The following MRGPRX4 variants were observed in gnomAD, a reference collection of about 807,000 sequenced individuals.
MRGPRX4 encodes mas-related G protein-coupled receptor member X4.
MRGPRX4 carries 13 observed loss-of-function variants against 17.8 expected under a neutral mutation model. That is an observed-to-expected ratio of 0.73 (90% CI 0.48 to 1.16). The LOEUF is 1.16. MRGPRX4 is among the 50% of genes most tolerant of loss of function. The probability of loss-of-function intolerance (pLI) is 0.00; values close to 1 mark genes in which losing one functional copy is unlikely to be tolerated. For synonymous variants in MRGPRX4, 192 were observed against 175.3 expected, an observed-to-expected ratio of 1.10 and a Z score of -0.75; for missense variants, 399 against 405.0, an observed-to-expected ratio of 0.99 and a Z score of 0.13.
chr11:18,174,030 G>A lies in MRGPRX4; in HGVS notation c.774G>A (p.Met258Ile). Residue 258 changes from methionine to isoleucine, a missense_variant, in exon 1 of 1, where the codon ATG becomes ATA. Coordinates refer to ENST00000314254, the MANE Select transcript of MRGPRX4 (RefSeq NM_054032.3). ...VLYCHVYLVC[M>I]SLSSLNSSAN... Reference sequence around the variant, plus strand: ...ATTGTCATGTTTATCTGGTTTGCATGTCCCTGTCCTCTCTAAACAGTAGTG... The same window carrying A: ...ATTGTCATGTTTATCTGGTTTGCATATCCCTGTCCTCTCTAAACAGTAGTG... 3.1e-6 allele frequency: 5 copies of A among 1,614,208 alleles called. No homozygotes were observed. The highest frequency in any genetic ancestry group is 4.2e-6 in the Non-Finnish European group (5 of 1,180,034).
chr11:18,174,149 A>C lies in MRGPRX4; in HGVS notation c.893A>C (p.Lys298Thr), dbSNP rs181617540. 5.6e-5 allele frequency: 90 copies of C among 1,614,218 alleles called. No homozygotes were observed. Among genetic ancestry groups the C allele is most frequent in the Admixed American group, 5.2e-4 (31 of 60,028 alleles). Residue 298 changes from lysine to threonine, a missense_variant, in exon 1 of 1, where the codon AAG becomes ACG. Coordinates refer to ENST00000314254, the MANE Select transcript of MRGPRX4 (RefSeq NM_054032.3). ...GTTCTCCAGAGGGCTCTGCAGGACA[A>C]GCCTGAGGTGGATAAAGGTGAAGGG... ...KLVLQRALQD[K>T]PEVDKGEGQL...
Position 18,173,973 on chromosome 11 carries a change from T to A in MRGPRX4, c.717T>A (p.Ile239=). 1 of 1,614,194 alleles carries A rather than the reference T, an allele frequency of 6.2e-7. No homozygotes were observed. The highest frequency in any genetic ancestry group is 1.1e-5 in the South Asian group (1 of 91,076). The change falls in exon 1 of 1, where the codon ATT becomes ATA. Residue 239 remains isoleucine, a synonymous_variant. Coordinates refer to ENST00000314254, the MANE Select transcript of MRGPRX4 (RefSeq NM_054032.3). ...GLPFGILGAL[I]YRMHLNLEVL... is the part of the protein sequence containing the mutation. ...CCTTCGGCATTCTGGGGGCCCTAAT[T>A]TACAGGATGCACCTGAATTTGGAAG... is the stretch of plus-strand genomic sequence containing the variant.
rs781125972 is a variant in MRGPRX4 at position 18,173,699 on chromosome 11, G to A, written c.443G>A (p.Gly148Asp). ...GCGGTCGTGTGTGTCCTGCTCTGGG[G>A]CCTGTCCCTGCTGTTTAGTATGCTG... ...LSAVVCVLLW[G>D]LSLLFSMLEW... The change falls in exon 1 of 1, where the codon GGC becomes GAC. Residue 148 changes from glycine (G) to aspartate (D), a missense_variant. Gly to Asp is a moderately conservative substitution (Grantham distance 94). Transcript: ENST00000314254. The A allele has an allele frequency of 7.8e-5, 126 of 1,614,052 alleles. No homozygotes were observed. Among genetic ancestry groups the A allele is most frequent in the Non-Finnish European group, 9.1e-5 (107 of 1,180,040 alleles).
rs1849348485 is a variant in MRGPRX4 at position 18,173,981 on chromosome 11, T to G, written c.725T>G (p.Met242Arg). ...ATTCTGGGGGCCCTAATTTACAGGA[T>G]GCACCTGAATTTGGAAGTCTTATAT... ...FGILGALIYRMHLNLEVLYCH... is the reference protein window; with the variant it reads ...FGILGALIYRRHLNLEVLYCH... Residue 242 changes from methionine (M) to arginine (R), a missense_variant, in exon 1 of 1, where the codon ATG becomes AGG. By Grantham distance (91) the Met-to-Arg change is moderately conservative. Transcript: ENST00000314254. 1 of 1,614,120 alleles carries G rather than the reference T, an allele frequency of 6.2e-7. No individual in the cohort carries two copies. The highest frequency in any genetic ancestry group is 1.3e-5 in the African/African-American group (1 of 74,936).
rs777084382 is a variant in MRGPRX4 at position 18,173,349 on chromosome 11, G to A, written c.93G>A (p.Thr31=). The change falls in exon 1 of 1, where the codon ACG becomes ACA. Residue 31 remains threonine (T), a synonymous_variant. Coordinates refer to ENST00000314254, the MANE Select transcript of MRGPRX4 (RefSeq NM_054032.3). ...GCTACAATCAGACCCTGAGCTTCAC[G>A]GTGCTGACGTGCATCATTTCCCTTG... The part of the protein sequence containing the change: ...TPCYNQTLSF[T]VLTCIISLVG... 2.5e-6 allele frequency: 4 copies of A among 1,614,084 alleles called. No homozygotes were observed. Among genetic ancestry groups the A allele is most frequent in the Non-Finnish European group, 3.4e-6 (4 of 1,180,022 alleles).
rs1849335340 is a variant in MRGPRX4, at chr11:18,173,095, C to T, written c.-162C>T. ...TTCAAACTGGATTTGAGGACCCCCA[C>T]CTTTGGTAAGTGACTTATTATCTGC... On this transcript the variant is annotated 5_prime_UTR_variant, in exon 1 of 1. Coordinates refer to ENST00000314254, the MANE Select transcript of MRGPRX4 (RefSeq NM_054032.3). The T allele has an allele frequency of 3.1e-6, 3 of 978,194 alleles. No individual in the cohort carries two copies. Among genetic ancestry groups the T allele is most frequent in the Admixed American group, 5.0e-5 (2 of 40,298 alleles). The allele number at this position is 978,194 out of a possible 1,614,324, so 60.6% of individuals were successfully genotyped here. A position where few individuals can be genotyped will look rare whatever the true frequency, so the allele number is the denominator to read the frequency against.
chr11:18,173,113 T>C lies in MRGPRX4; in HGVS notation c.-144T>C. 8.7e-6 allele frequency: 10 copies of C among 1,147,604 alleles called. No individual in the cohort carries two copies. In the South Asian group the frequency reaches 1.5e-4, roughly 17 times the overall value. 71.1% of individuals were successfully genotyped at this position (1,147,604 alleles called of 1,614,324 possible). A position where few individuals can be genotyped will look rare whatever the true frequency, so the allele number is the denominator to read the frequency against. On this transcript the variant is annotated 5_prime_UTR_variant, in exon 1 of 1. Transcript: ENST00000314254. ...ACCCCCACCTTTGGTAAGTGACTTA[T>C]TATCTGCGAGCCTCTGTTTCTCTCT...
In MRGPRX4 at chr11:18,174,205, G is replaced by C; in HGVS notation, c.949G>C (p.Gly317Arg). ...QLPEESLELS[G>R]SRLGP ...TCCTGAGGAAAGCCTGGAGCTGTCG[G>C]GAAGCAGATTGGGGCCATGAGGGAG... is the stretch of plus-strand genomic sequence containing the variant. Residue 317 changes from glycine (G) to arginine (R), a missense_variant, in exon 1 of 1, where the codon GGA becomes CGA. Coordinates refer to ENST00000314254, the MANE Select transcript of MRGPRX4 (RefSeq NM_054032.3). 6.2e-7 allele frequency: 1 copy of C among 1,613,396 alleles called. No homozygotes were observed.
chr11:18,174,105 T>C lies in MRGPRX4; in HGVS notation c.849T>C (p.Asn283=), dbSNP rs769075206. 7 of 1,614,172 alleles carry C rather than the reference T, an allele frequency of 4.3e-6. No individual in the cohort carries two copies. The South Asian group carries it at 7.7e-5, about 18-fold the overall frequency. Residue 283 remains asparagine (N), a synonymous_variant, in exon 1 of 1, where the codon AAT becomes AAC. Coordinates refer to ENST00000314254, the MANE Select transcript of MRGPRX4 (RefSeq NM_054032.3). ...TGGGCTCCTTTAGGCAGCGTCAAAA[T>C]AGGCAGAACCTGAAGCTGGTTCTCC... is the stretch of plus-strand genomic sequence containing the variant. ...FFVGSFRQRQ[N]RQNLKLVLQR...
Position 18,173,294 on chromosome 11 carries a change from C to T in MRGPRX4, c.38C>T (p.Thr13Ile). ...PTVPVFGTKL[T>I]PINGREETPC... ...GTCCCAGTCTTCGGTACAAAACTGA[C>T]ACCAATCAACGGACGTGAGGAGACT... The change falls in exon 1 of 1, where the codon ACA (threonine) becomes ATA (isoleucine). Residue 13 changes from threonine to isoleucine, a missense_variant. Coordinates refer to ENST00000314254, the MANE Select transcript of MRGPRX4 (RefSeq NM_054032.3). The T allele has an allele frequency of 6.2e-7, 1 of 1,612,256 alleles. No individual in the cohort carries two copies. The highest frequency in any genetic ancestry group is 1.1e-5 in the South Asian group (1 of 90,716).
rs1203899858 is a variant in MRGPRX4, at chr11:18,174,051, T to C, written c.795T>C (p.Ser265=). Residue 265 remains serine, a synonymous_variant, in exon 1 of 1, where the codon AGT becomes AGC. Coordinates refer to ENST00000314254, the MANE Select transcript of MRGPRX4 (RefSeq NM_054032.3). ...GCATGTCCCTGTCCTCTCTAAACAG[T>C]AGTGCCAACCCCATCATTTACTTCT... is the stretch of plus-strand genomic sequence containing the variant. The part of the protein sequence containing the change: ...LVCMSLSSLN[S]SANPIIYFFV... 2 of 1,614,182 alleles carry C rather than the reference T, an allele frequency of 1.2e-6. No homozygotes were observed. Among genetic ancestry groups the C allele is most frequent in the Admixed American group, 1.7e-5 (1 of 60,028 alleles).
In MRGPRX4 at chr11:18,173,109, C is replaced by T. The variant is rs879889241; in HGVS notation, c.-148C>T. 2.7e-6 allele frequency: 3 copies of T among 1,118,288 alleles called. No homozygotes were observed. Among genetic ancestry groups the T allele is most frequent in the Non-Finnish European group, 2.6e-6 (2 of 780,446 alleles). The allele number at this position is 1,118,288 out of a possible 1,614,324, so 69.3% of individuals were successfully genotyped here. ...GAGGACCCCCACCTTTGGTAAGTGA[C>T]TTATTATCTGCGAGCCTCTGTTTCT... On this transcript the variant is annotated 5_prime_UTR_variant, in exon 1 of 1. Transcript: ENST00000314254.
Position 18,174,107 on chromosome 11 carries a change from GGCA to G in MRGPRX4, c.853_855del (p.Gln285del), listed in dbSNP as rs770961969. The G allele has an allele frequency of 4.2e-5, 67 of 1,614,008 alleles. No homozygotes were observed. The African/African-American group carries it at 8.4e-4, about 20-fold the overall frequency. ...GGCTCCTTTAGGCAGCGTCAAAATA[GGCA>G]GAACCTGAAGCTGGTTCTCCAGAGG... On this transcript the variant is annotated inframe_deletion, in exon 1 of 1. Coordinates refer to ENST00000314254, the MANE Select transcript of MRGPRX4 (RefSeq NM_054032.3).
chr11:18,173,190 G>A lies in MRGPRX4; in HGVS notation c.-67G>A, dbSNP rs1849336379. 6.6e-7 allele frequency: 1 copy of A among 1,522,458 alleles called. No homozygotes were observed. The highest frequency in any genetic ancestry group is 2.3e-5 in the East Asian group (1 of 44,100). 94.3% of individuals were successfully genotyped at this position (1,522,458 alleles called of 1,614,324 possible). ...TACGGCAGGGTGGTGGGGAGAATCA[G>A]AGATGATACAGCTGGTGATCACATC... is the stretch of plus-strand genomic sequence containing the variant. On this transcript the variant is annotated 5_prime_UTR_variant, in exon 1 of 1. Transcript: ENST00000314254.
chr11:18,174,263 A>G lies in MRGPRX4; in HGVS notation c.*38A>G. 1 of 1,579,194 alleles carries G rather than the reference A, an allele frequency of 6.3e-7. No individual in the cohort carries two copies. The highest frequency in any genetic ancestry group is 1.2e-5 in the South Asian group (1 of 85,546). On this transcript the variant is annotated 3_prime_UTR_variant, in exon 1 of 1. Transcript: ENST00000314254. ...GCCCTGTCAGTCAGACGGGACTTTG[A>G]GAGCAACACTGTCCTGCCACCCTTG... is the stretch of plus-strand genomic sequence containing the variant.
At position 18,173,873 on chromosome 11, in the gene MRGPRX4, C is replaced by A. The variant is rs753184956; in HGVS notation, c.617C>A (p.Ser206Tyr). 1.9e-6 allele frequency: 3 copies of A among 1,614,118 alleles called. No homozygotes were observed. The highest frequency in any genetic ancestry group is 2.5e-6 in the Non-Finnish European group (3 of 1,180,002). The change falls in exon 1 of 1, where the codon TCC (serine) becomes TAC (tyrosine). Residue 206 changes from serine to tyrosine, a missense_variant. Coordinates refer to ENST00000314254, the MANE Select transcript of MRGPRX4 (RefSeq NM_054032.3). ...CTGCTGGTCAGGATCCTCTGTGGAT[C>A]CCGGAAGATGCCGCTGACCAGGCTG... ...LVLLVRILCG[S>Y]RKMPLTRLYV...
rs750732194 is a variant in MRGPRX4 at position 18,173,682 on chromosome 11, G to C, written c.426G>C (p.Val142=). The part of the protein sequence containing the change: ...CRRPTHLSAV[V]CVLLWGLSLL... ...GCCCCACACACCTGTCAGCGGTCGTGTGTGTCCTGCTCTGGGGCCTGTCCC... is the reference window on the plus strand; with the variant it reads ...GCCCCACACACCTGTCAGCGGTCGTCTGTGTCCTGCTCTGGGGCCTGTCCC... The change falls in exon 1 of 1, where the codon GTG becomes GTC. Residue 142 remains valine (V), a synonymous_variant. Coordinates refer to ENST00000314254, the MANE Select transcript of MRGPRX4 (RefSeq NM_054032.3). The C allele has an allele frequency of 3.1e-6, 5 of 1,614,064 alleles. 1 individual carries two copies. Among genetic ancestry groups the C allele is most frequent in the Non-Finnish European group, 4.2e-6 (5 of 1,180,040 alleles).
At position 18,173,262 on chromosome 11, in the gene MRGPRX4, T is replaced by A. The variant is rs1849337626; in HGVS notation, c.6T>A (p.Asp2Glu). ...CCAGACTAGGGTTTCTGAGCATGGA[T>A]CCAACCGTCCCAGTCTTCGGTACAA... is the stretch of plus-strand genomic sequence containing the variant. The part of the protein sequence containing the change: M[D>E]PTVPVFGTKL... Residue 2 changes from aspartate to glutamate, a missense_variant, in exon 1 of 1, where the codon GAT (aspartate) becomes GAA (glutamate). Physicochemically the swap from Asp to Glu is conservative, Grantham distance 45 (BLOSUM62 2). Transcript: ENST00000314254. 1.3e-6 allele frequency: 2 copies of A among 1,595,504 alleles called. No individual in the cohort carries two copies. The highest frequency in any genetic ancestry group is 1.7e-6 in the Non-Finnish European group (2 of 1,170,110).
In MRGPRX4 at chr11:18,173,655, C is replaced by A; in HGVS notation, c.399C>A (p.Arg133=). ...SVLWPIWYRC[R]RPTHLSAVVC... is the part of the protein sequence containing the mutation. ...TGTGGCCCATCTGGTACCGCTGCCGCCGCCCCACACACCTGTCAGCGGTCG... is the reference window on the plus strand; with the variant it reads ...TGTGGCCCATCTGGTACCGCTGCCGACGCCCCACACACCTGTCAGCGGTCG... Residue 133 remains arginine (R), a synonymous_variant, in exon 1 of 1, where the codon CGC becomes CGA. Coordinates refer to ENST00000314254, the MANE Select transcript of MRGPRX4 (RefSeq NM_054032.3). 1 of 1,614,192 alleles carries A rather than the reference C, an allele frequency of 6.2e-7. No individual in the cohort carries two copies. The highest frequency in any genetic ancestry group is 1.6e-4 in the Middle Eastern group (1 of 6,062).
Sources: allele counts gnomAD v4.1 joint callset, GRCh38; gene constraint gnomAD v4.1.1; transcripts MANE v1.5; gene names NCBI Gene and HGNC (gene_info 2026-07-23, HGNC 2026-07-21).